Variants in OPCML observed in about 807,000 individuals in gnomAD.
OPCML encodes opioid-binding protein/cell adhesion molecule.
Under a neutral mutation model 37.8 loss-of-function variants are expected in OPCML, and 13 were observed. The observed-to-expected ratio is 0.34, with a 90% CI of 0.22 to 0.55. The LOEUF (loss-of-function observed/expected upper bound fraction) is 0.55, where lower values mean the gene tolerates loss of function less well. Ranked by LOEUF, OPCML falls within the 20% of genes least tolerant of loss-of-function variation. OPCML has a pLI of 0.91. For synonymous variants in OPCML, 176 were observed against 168.8 expected (o/e 1.04, Z -0.33); for missense variants, 341 against 435.6 (o/e 0.78, Z 1.93).
At position 133,354,323 on chromosome 11, in the gene OPCML, GGT is replaced by G. The variant is rs1368604957; in HGVS notation, c.61+177939_61+177940del. On this transcript the variant is annotated intron_variant, in intron 1 of 7. Coordinates refer to ENST00000524381, the MANE Select transcript of OPCML (RefSeq NM_001012393.5). ...GTGGTGACGTGTTGGTAGTGGTGGT[GGT>G]GGTGATGATGGTGGTGGTAGTGATG... Among the ~76,000 whole-genome samples the G allele has an allele frequency of 1.0e-4, 8 of 77,450 alleles. No individual in the cohort carries two copies. The Middle Eastern group carries it at 0.025, about 239-fold the overall frequency. The allele number at this position is 77,450 out of a possible 152,430, so 50.8% of individuals were successfully genotyped here.
At chr11:132,464,596 A>G (rs2096113816) in intron 4 of OPCML, among the ~76,000 whole-genome samples, 1 of 152,220 alleles carries the variant, frequency 6.6e-6, no homozygotes, top group South Asian at 2.1e-4. Context: ...TTTATTAGTT[A>G]TTCTTGTTTT....
At chr11:132,681,413 G>C (rs77149366) in intron 2 of OPCML, among the ~76,000 whole-genome samples, 1,984 of 152,250 alleles carry the variant, frequency 0.013, 32 homozygotes, top group African/African-American at 0.035. Context: ...AGTTCGACAT[G>C]GGAGAGAAGC....
intron 1 of OPCML, among the ~76,000 whole-genome samples, chr11:133,325,022 C>T (rs565595555): frequency 2.0e-5 from 3 of 152,140 alleles, no homozygotes; most frequent in African/African-American, 4.8e-5. Flanking sequence ...GCAAGTACCA[C>T]GTTCTATATT....
intron 1 of OPCML, among the ~76,000 whole-genome samples, chr11:133,523,557 G>T (rs916781369): frequency 1.3e-5 from 2 of 152,116 alleles, no homozygotes; most frequent in African/African-American, 4.8e-5. Context: ...AATCTATTCT[G>T]CCAACTGCAA....
intron 1 of OPCML, among the ~76,000 whole-genome samples, chr11:133,190,229 G>A (rs1189703830): frequency 2.6e-5 from 4 of 152,158 alleles, no homozygotes; most frequent in African/African-American, 4.8e-5. Flanking sequence ...GACAAAAGAT[G>A]GAAAAGCTGT....
At chr11:133,195,560 C>T (rs1415782696) in intron 1 of OPCML, among the ~76,000 whole-genome samples, 2 of 152,190 alleles carry the variant, frequency 1.3e-5, no homozygotes, top group Non-Finnish European at 2.9e-5. Flanking sequence ...TGAATATGTT[C>T]TGCCATCAAT....
chr11:132,454,374 G>A (rs1469982914), intron 4 of OPCML, among the ~76,000 whole-genome samples: 2 of 152,216 alleles, frequency 1.3e-5, no homozygotes, highest in African/African-American at 2.4e-5. Flanking sequence ...GATGGTGGAA[G>A]CCTGATTTGG....
intron 1 of OPCML, among the ~76,000 whole-genome samples, chr11:133,339,153 C>T (rs1321620549): frequency 1.3e-5 from 2 of 152,158 alleles, no homozygotes; most frequent in Non-Finnish European, 2.9e-5. Flanking sequence ...TGCTTCCACT[C>T]TTATCAGCAA....
At chr11:133,163,736 A>C (rs999242555) in intron 1 of OPCML, among the ~76,000 whole-genome samples, 1 of 152,180 alleles carries the variant, frequency 6.6e-6, no homozygotes, top group Non-Finnish European at 1.5e-5. Context: ...TAACTTTAGC[A>C]GTGCAAAGAG....
intron 1 of OPCML, among the ~76,000 whole-genome samples, chr11:133,337,984 C>T (rs1943780870): frequency 6.6e-6 from 1 of 151,880 alleles, no homozygotes; most frequent in Admixed American, 6.6e-5. Flanking sequence ...CCTGTGGAAG[C>T]CACAGGGCCG....
At chr11:133,203,495 C>T (rs1208290879) in intron 1 of OPCML, among the ~76,000 whole-genome samples, 2 of 152,252 alleles carry the variant, frequency 1.3e-5, no homozygotes, top group Middle Eastern at 3.4e-3. Flanking sequence ...AGTCAGTGTT[C>T]GCCTCGGAGG....
At chr11:133,289,089 C>T (rs1257956477) in intron 1 of OPCML, among the ~76,000 whole-genome samples, 1 of 152,076 alleles carries the variant, frequency 6.6e-6, no homozygotes, top group Admixed American at 6.6e-5. Context: ...ATAATGCAGA[C>T]CAGAATTATC....
At chr11:133,480,242 T>C (rs190132426) in intron 1 of OPCML, among the ~76,000 whole-genome samples, 1 of 152,356 alleles carries the variant, frequency 6.6e-6, no homozygotes, top group East Asian at 1.9e-4. Context: ...CTGAACTGGC[T>C]CTGTTGAATC....
At chr11:132,533,553 G>T (rs1005179119) in intron 3 of OPCML, among the ~76,000 whole-genome samples, 55 of 152,244 alleles carry the variant, frequency 3.6e-4, no homozygotes, top group African/African-American at 1.3e-3. Flanking sequence ...TCCAACATCT[G>T]CCCCTTGCTA....
intron 2 of OPCML, among the ~76,000 whole-genome samples, chr11:132,759,595 T>A (rs1410535300): frequency 6.6e-5 from 10 of 152,172 alleles, no homozygotes; most frequent in Non-Finnish European, 1.5e-4. Flanking sequence ...TGTAGAGGTG[T>A]TTATAATATT....
intron 1 of OPCML, among the ~76,000 whole-genome samples, chr11:133,270,574 G>A (rs896181804): frequency 1.3e-5 from 2 of 152,128 alleles, no homozygotes; most frequent in East Asian, 1.9e-4. Context: ...GCTTTCAGAT[G>A]TGTGCATTCC....
chr11:132,662,202 G>T (rs1942004148), intron 2 of OPCML, among the ~76,000 whole-genome samples: 1 of 152,166 alleles, frequency 6.6e-6, no homozygotes, highest in African/African-American at 2.4e-5. Context: ...TGGTTCATGG[G>T]TCTGGAGGGA....
intron 1 of OPCML, among the ~76,000 whole-genome samples, chr11:132,955,380 GACCA>G (rs1326270642): frequency 6.6e-6 from 1 of 152,120 alleles, no homozygotes; most frequent in Non-Finnish European, 1.5e-5. Context: ...TTCAGATGCA[GACCA>G]ACCAACCAAT....
intron 1 of OPCML, among the ~76,000 whole-genome samples, chr11:132,946,908 C>T (rs372705314): frequency 2.6e-5 from 4 of 152,272 alleles, no homozygotes; most frequent in African/African-American, 4.8e-5. Flanking sequence ...TATCACCAGA[C>T]GGGAAAGGCT....
Sources: gnomAD v4.1 joint callset for allele counts (sites outside exome capture counted in the v4.1 genomes callset) on GRCh38, gnomAD v4.1.1 for gene constraint, MANE v1.5 for transcripts, NCBI Gene and HGNC (gene_info 2026-07-23, HGNC 2026-07-21) for gene names.